Variants in CDH18 observed in about 807,000 individuals in gnomAD.
The protein encoded by CDH18 is cadherin 18.
Under a neutral mutation model 67.9 loss-of-function variants are expected in CDH18, and 31 were observed. That is an observed-to-expected ratio of 0.46 (90% CI 0.34 to 0.62). CDH18 has a LOEUF of 0.62. CDH18 is among the 20% of genes least tolerant of loss of function. The pLI is 0.01. For synonymous variants in CDH18, 362 were observed against 347.2 expected (o/e 1.04, Z -0.48); for missense variants, 890 against 975.5 (o/e 0.91, Z 1.17).
chr5:19,911,531 G>A (rs1391634116), intron 2 of CDH18, among the ~76,000 whole-genome samples: 1 of 152,050 alleles, frequency 6.6e-6, no homozygotes, highest in Admixed American at 6.6e-5. Context: ...ATTAGGTTGA[G>A]ATGAGGTTAT....
intron 5 of CDH18, among the ~76,000 whole-genome samples, chr5:19,688,265 C>T: frequency 6.6e-6 from 1 of 152,198 alleles, no homozygotes; most frequent in East Asian, 1.9e-4. Context: ...GCTAATGCTA[C>T]TGACTACATA....
At chr5:19,767,920 G>C (rs762954691) in intron 3 of CDH18, among the ~76,000 whole-genome samples, 4 of 152,074 alleles carry the variant, frequency 2.6e-5, no homozygotes, top group Admixed American at 6.6e-5. Flanking sequence ...ATGTATATAA[G>C]AAAAATGTCT....
At chr5:20,241,476 G>T (rs1236842415) in intron 2 of CDH18, among the ~76,000 whole-genome samples, 1 of 152,106 alleles carries the variant, frequency 6.6e-6, no homozygotes, top group Admixed American at 6.5e-5. Flanking sequence ...TGTTGCAGAG[G>T]TGCTCTGATG....
At chr5:20,478,427 A>C (rs1447213576) in intron 1 of CDH18, among the ~76,000 whole-genome samples, 1 of 152,162 alleles carries the variant, frequency 6.6e-6, no homozygotes, top group East Asian at 1.9e-4. Flanking sequence ...CTGAATAAAG[A>C]GCCCTTGGGC....
At chr5:19,680,967 G>C (rs1445102320) in intron 5 of CDH18, among the ~76,000 whole-genome samples, 1 of 151,886 alleles carries the variant, frequency 6.6e-6, no homozygotes, top group Non-Finnish European at 1.5e-5. Flanking sequence ...TCATGTATAT[G>C]TTCATCATAG....
intron 2 of CDH18, among the ~76,000 whole-genome samples, chr5:19,873,255 T>G (rs1029888350): frequency 6.7e-6 from 1 of 150,058 alleles, no homozygotes; most frequent in African/African-American, 2.4e-5. Context: ...AGAGAAAGCA[T>G]GGTTCAGCTT....
intron 2 of CDH18, among the ~76,000 whole-genome samples, chr5:20,076,699 C>G (rs1014616863): frequency 6.6e-6 from 1 of 152,046 alleles, no homozygotes; most frequent in Admixed American, 6.5e-5. Flanking sequence ...TTTTACACAC[C>G]TGACAAGTTC....
intron 1 of CDH18, among the ~76,000 whole-genome samples, chr5:20,566,258 T>C (rs1185333799): frequency 1.1e-4 from 16 of 152,082 alleles, no homozygotes; most frequent in Non-Finnish European, 2.1e-4. Flanking sequence ...AAGCTTCCGT[T>C]GTTGACAAGA....
intron 2 of CDH18, among the ~76,000 whole-genome samples, chr5:20,242,306 A>G (rs184783911): frequency 8.6e-5 from 13 of 152,038 alleles, no homozygotes; most frequent in Admixed American, 7.2e-4. Flanking sequence ...TTTAAAATGT[A>G]CTGTTTTAGC....
At chr5:20,414,853 T>C (rs947111210) in intron 1 of CDH18, among the ~76,000 whole-genome samples, 1 of 151,978 alleles carries the variant, frequency 6.6e-6, no homozygotes, top group African/African-American at 2.4e-5. Flanking sequence ...TTGCTGAGGG[T>C]CTAGAGAAAT....
chr5:20,045,292 C>G (rs1195299842), intron 2 of CDH18, among the ~76,000 whole-genome samples: 1 of 152,118 alleles, frequency 6.6e-6, no homozygotes, highest in Non-Finnish European at 1.5e-5. Flanking sequence ...ATGGAGCAAT[C>G]ATTTTTGGTT....
At chr5:19,676,514 G>C (rs878930349) in intron 5 of CDH18, among the ~76,000 whole-genome samples, 1 of 152,026 alleles carries the variant, frequency 6.6e-6, no homozygotes, top group East Asian at 1.9e-4. Flanking sequence ...CCAGGGAGAG[G>C]CCATTTCCTG....
chr5:19,655,266 T>C (rs1253810778), intron 5 of CDH18, among the ~76,000 whole-genome samples: 1 of 152,158 alleles, frequency 6.6e-6, no homozygotes, highest in Non-Finnish European at 1.5e-5. Context: ...ACACATTCCA[T>C]GATGATAAGA....
At chr5:19,856,280 G>C (rs921814607) in intron 2 of CDH18, among the ~76,000 whole-genome samples, 3 of 152,126 alleles carry the variant, frequency 2.0e-5, no homozygotes, top group African/African-American at 7.2e-5. Context: ...AAGTTCTACA[G>C]TTGATTATGG....
chr5:19,690,316 G>A (rs1221496471), intron 5 of CDH18, among the ~76,000 whole-genome samples: 1 of 151,270 alleles, frequency 6.6e-6, no homozygotes, highest in Non-Finnish European at 1.5e-5. Context: ...GTGCTGAGAG[G>A]AAAGTTTATA....
At chr5:19,487,266 A>T (rs1740558518) in intron 11 of CDH18, among the ~76,000 whole-genome samples, 1 of 152,230 alleles carries the variant, frequency 6.6e-6, no homozygotes, top group South Asian at 2.1e-4. Context: ...AAATATAGAC[A>T]TATAGCCATA....
At chr5:19,929,862 T>C (rs936314428) in intron 2 of CDH18, among the ~76,000 whole-genome samples, 4 of 152,104 alleles carry the variant, frequency 2.6e-5, no homozygotes, top group East Asian at 1.9e-4. Flanking sequence ...ATGGTCATCA[T>C]TGGATGACTG....
At chr5:20,198,924 T>TCACA (rs1739216028) in intron 2 of CDH18, among the ~76,000 whole-genome samples, 1 of 152,218 alleles carries the variant, frequency 6.6e-6, no homozygotes, top group Non-Finnish European at 1.5e-5. Context: ...CACATGGTGT[T>TCACA]GGTCCTGAGA....
chr5:20,320,456 C>T (rs1206019197), intron 1 of CDH18, among the ~76,000 whole-genome samples: 3 of 152,136 alleles, frequency 2.0e-5, no homozygotes, highest in African/African-American at 4.8e-5. Context: ...AAACCTGAAA[C>T]TCTTTCCCTA....
Sources: gnomAD v4.1 joint callset for allele counts (sites outside exome capture counted in the v4.1 genomes callset) on GRCh38, gnomAD v4.1.1 for gene constraint, MANE v1.5 for transcripts, NCBI Gene and HGNC (gene_info 2026-07-23, HGNC 2026-07-21) for gene names.